Variants in CREB3L2 observed in about 807,000 individuals in gnomAD.
CREB3L2 encodes cAMP responsive element binding protein 3 like 2.
In CREB3L2, 23 loss-of-function variants were observed where a neutral mutation model predicts 57.2. That is an observed-to-expected ratio of 0.40 (90% CI 0.29 to 0.57). The LOEUF (loss-of-function observed/expected upper bound fraction) is 0.57. Among genes scored for constraint, CREB3L2 ranks in the 20% least tolerant of loss-of-function variants. The pLI is 0.42. For missense variants in CREB3L2, 628 were observed against 634.7 expected (o/e 0.99, Z 0.11); for synonymous variants, 268 against 265.1 (o/e 1.01, Z -0.11).
At chr7:137,909,107 C>T (rs1360169980) in intron 4 of CREB3L2, among the ~76,000 whole-genome samples, 2 of 152,104 alleles carry the variant, frequency 1.3e-5, no homozygotes, top group African/African-American at 2.4e-5. Flanking sequence ...CTCAAAAAGC[C>T]GGAGTGGCTG....
intron 8 of CREB3L2, among the ~76,000 whole-genome samples, chr7:137,888,770 TGTAA>T: frequency 6.6e-6 from 1 of 152,170 alleles, no homozygotes; most frequent in South Asian, 2.1e-4. Context: ...GAGCTACTTC[TGTAA>T]GTGACAGCTG....
chr7:137,915,860 G>T lies in CREB3L2; in HGVS notation c.472C>A (p.Pro158Thr), dbSNP rs1250603761. Reference sequence around the variant, plus strand: ...ACCCCAGTGTTCATTTCCAGAGGAGGTTCCTCCTTTTCCAACGGGGTGGAG... The same window carrying T: ...ACCCCAGTGTTCATTTCCAGAGGAGTTTCCTCCTTTTCCAACGGGGTGGAG... ...AISTPLEKEEPPLEMNTGVDS... is the reference protein window; with the variant it reads ...AISTPLEKEETPLEMNTGVDS... The change falls in exon 3 of 12, where the codon CCT becomes ACT. Residue 158 changes from proline (P) to threonine (T), a missense_variant. Pro to Thr is a conservative substitution (Grantham distance 38). Transcript: ENST00000330387. The T allele has an allele frequency of 1.2e-6, 2 of 1,614,058 alleles. No homozygotes were observed. The highest frequency in any genetic ancestry group is 1.7e-6 in the Non-Finnish European group (2 of 1,179,972).
chr7:137,994,699 A>G (rs1041998452), intron 1 of CREB3L2, among the ~76,000 whole-genome samples: 2 of 152,122 alleles, frequency 1.3e-5, no homozygotes, highest in African/African-American at 4.8e-5. Context: ...TAATCCTAGC[A>G]CTGTGGGAGG....
intron 6 of CREB3L2, 42 bp from the exon 7 acceptor site, chr7:137,904,059 C>T (rs1799827789): frequency 1.3e-6 from 2 of 1,534,840 alleles, no homozygotes; most frequent in South Asian, 2.2e-5. Flanking sequence ...ATTTCCAGCT[C>T]TGTAAGTAAA....
chr7:137,970,134 C>T (rs1442833983), intron 1 of CREB3L2, among the ~76,000 whole-genome samples: 1 of 152,120 alleles, frequency 6.6e-6, no homozygotes, highest in African/African-American at 2.4e-5. Context: ...CTCTTCAAGC[C>T]GCAGTCTCCT....
intron 1 of CREB3L2, among the ~76,000 whole-genome samples, chr7:137,993,834 C>T (rs564074024): frequency 1.3e-5 from 2 of 152,342 alleles, no homozygotes; most frequent in African/African-American, 2.4e-5. Flanking sequence ...ATAGAAGAGA[C>T]AGTCATGTCT....
intron 8 of CREB3L2, among the ~76,000 whole-genome samples, chr7:137,892,328 C>T (rs1408909243): frequency 4.8e-5 from 7 of 147,068 alleles, no homozygotes; most frequent in Non-Finnish European, 8.9e-5. Flanking sequence ...CTGAGTGTTA[C>T]TTATCTAATG....
At chr7:137,914,618 G>C (rs1309300389) in intron 3 of CREB3L2, among the ~76,000 whole-genome samples, 1 of 152,084 alleles carries the variant, frequency 6.6e-6, no homozygotes, top group Non-Finnish European at 1.5e-5. Context: ...GTGACAGAAT[G>C]AGACTTCTGT....
chr7:137,958,600 T>A (rs1371083976), intron 1 of CREB3L2, among the ~76,000 whole-genome samples: 1 of 152,260 alleles, frequency 6.6e-6, no homozygotes, highest in Non-Finnish European at 1.5e-5. Flanking sequence ...TTTAAAAAGC[T>A]GTATTTGAGG....
At chr7:137,918,506 C>T (rs273955) in intron 2 of CREB3L2, among the ~76,000 whole-genome samples, 62,851 of 151,948 alleles carry the variant, frequency 0.41, 15,629 homozygotes, top group East Asian at 0.62. Context: ...GAAGTCAACA[C>T]TTAAAGCCTG....
intron 2 of CREB3L2, among the ~76,000 whole-genome samples, chr7:137,918,242 G>C (rs566053915): frequency 6.6e-6 from 1 of 152,286 alleles, no homozygotes; most frequent in Admixed American, 6.5e-5. Flanking sequence ...CCAGGCTGGA[G>C]TGCAGTGGCA....
chr7:137,875,925 GT>G lies in CREB3L2; in HGVS notation c.*4550del. 4.4e-6 allele frequency: 1 copy of G among 225,940 alleles called. No homozygotes were observed. Among genetic ancestry groups the G allele is most frequent in the East Asian group, 6.4e-5 (1 of 15,572 alleles). The allele number at this position is 225,940 out of a possible 1,614,324, so 14.0% of individuals were successfully genotyped here. A position where few individuals can be genotyped will look rare whatever the true frequency, so the allele number is the denominator to read the frequency against. On this transcript the variant is annotated 3_prime_UTR_variant, in exon 12 of 12. Coordinates refer to ENST00000330387, the MANE Select transcript of CREB3L2 (RefSeq NM_194071.4). ...AAATAACAAAACAAAACAACACCTAGTTTTTTCCTGTGTTAAGTGCTGACCC... is the reference window on the plus strand; with the variant it reads ...AAATAACAAAACAAAACAACACCTAGTTTTTCCTGTGTTAAGTGCTGACCC...
intron 1 of CREB3L2, among the ~76,000 whole-genome samples, chr7:137,982,100 C>A (rs1801721305): frequency 6.6e-6 from 1 of 152,186 alleles, no homozygotes; most frequent in Admixed American, 6.5e-5. Context: ...TCAGCTTCTA[C>A]TTTAGAGGTA....
chr7:137,909,378 A>G lies in CREB3L2; in HGVS notation c.584-942T>C, dbSNP rs532237053. Among the ~76,000 whole-genome samples, 48 of 152,330 alleles carry G rather than the reference A, an allele frequency of 3.2e-4. 1 individual carries two copies. The South Asian group carries it at 6.8e-3, about 22-fold the overall frequency. On this transcript the variant is annotated intron_variant, in intron 4 of 11. Coordinates refer to ENST00000330387, the MANE Select transcript of CREB3L2 (RefSeq NM_194071.4). ...ATCAGGCATCTCCAGGGCAGCAGAG[A>G]TGGGCTTCTGAAGGAGGAATCCAAC...
At chr7:137,968,240 T>C (rs557400248) in intron 1 of CREB3L2, among the ~76,000 whole-genome samples, 4 of 151,954 alleles carry the variant, frequency 2.6e-5, no homozygotes, top group Non-Finnish European at 5.9e-5. Context: ...CTTTAAGTCC[T>C]AGGGTACATG....
intron 1 of CREB3L2, among the ~76,000 whole-genome samples, chr7:137,989,010 GAA>G (rs1801837443): frequency 6.6e-6 from 1 of 152,122 alleles, no homozygotes; most frequent in Admixed American, 6.5e-5. Context: ...AAAAAGAAAA[GAA>G]AGAGAGAAAG....
intron 8 of CREB3L2, among the ~76,000 whole-genome samples, chr7:137,897,110 A>G (rs554293915): frequency 6.6e-6 from 1 of 152,326 alleles, no homozygotes; most frequent in South Asian, 2.1e-4. Flanking sequence ...GAAAAAGAAA[A>G]AAAAGGTAAT....
At chr7:137,892,234 GATGT>G (rs1799540419) in intron 8 of CREB3L2, among the ~76,000 whole-genome samples, 1 of 151,890 alleles carries the variant, frequency 6.6e-6, no homozygotes, top group African/African-American at 2.4e-5. Flanking sequence ...TGAGGTGTAT[GATGT>G]ATATGTACAT....
At position 138,001,531 on chromosome 7, in the gene CREB3L2, ACTCC is replaced by A; in HGVS notation, c.102+69_102+72del. On this transcript the variant is annotated intron_variant, in intron 1 of 11. Transcript: ENST00000330387. This position sits in a 1 kb window ranked among gnomAD's most constrained non-coding sequence, Gnocchi z 4.2. ...AAACCCTGCCTTCCCGGGTCCCAGGACTCCAGCTGCTCCTCGCGTGACAACACTT... is the reference window on the plus strand; with the variant it reads ...AAACCCTGCCTTCCCGGGTCCCAGGAAGCTGCTCCTCGCGTGACAACACTT... 1 of 1,155,312 alleles carries A rather than the reference ACTCC, an allele frequency of 8.7e-7. No individual in the cohort carries two copies. The allele number at this position is 1,155,312 out of a possible 1,614,324, so 71.6% of individuals were successfully genotyped here. A position where few individuals can be genotyped will look rare whatever the true frequency, so the allele number is the denominator to read the frequency against.
Sources: gnomAD v4.1 joint callset for allele counts (sites outside exome capture counted in the v4.1 genomes callset) on GRCh38, gnomAD v4.1.1 for gene constraint, Gnocchi (gnomAD v3.1) non-coding constraint, MANE v1.5 for transcripts, NCBI Gene and HGNC (gene_info 2026-07-23, HGNC 2026-07-21) for gene names.